CORIN: variants seen among roughly 807,000 people sequenced by gnomAD.
CORIN encodes atrial natriuretic peptide-converting enzyme.
Under a neutral mutation model 125.3 loss-of-function variants are expected in CORIN, and 117 were observed. The ratio of observed to expected loss-of-function variants is 0.93; its 90% CI spans 0.80 to 1.09. CORIN has a LOEUF of 1.09. Among genes scored for constraint, CORIN ranks in the 50% least tolerant of loss-of-function variants. The probability of loss-of-function intolerance (pLI) is 0.00; values close to 1 mark genes in which losing one functional copy is unlikely to be tolerated. For missense variants in CORIN, 1,253 were observed against 1,306.7 expected, an observed-to-expected ratio of 0.96 and a Z score of 0.63; for synonymous variants, 450 against 466.4, an observed-to-expected ratio of 0.96 and a Z score of 0.45.
Position 47,754,531 on chromosome 4 carries a change from A to G in CORIN, c.617+8848T>C, listed in dbSNP as rs147028124. ...ATTTAATTCCTTAATGTTTCCATTT[A>G]TTCCCAAATGAGATACAATTTGGGA... On this transcript the variant is annotated intron_variant, in intron 4 of 21. Coordinates refer to ENST00000273857, the MANE Select transcript of CORIN (RefSeq NM_006587.4). Among the ~76,000 whole-genome samples the G allele has an allele frequency of 2.8e-3, 424 of 152,254 alleles. 4 individuals carry two copies. Among genetic ancestry groups the G allele is most frequent in the African/African-American group, 9.3e-3 (388 of 41,560 alleles).
chr4:47,749,853 C>T (rs1221326281), intron 4 of CORIN, among the ~76,000 whole-genome samples: 1 of 152,156 alleles, frequency 6.6e-6, no homozygotes, highest in Non-Finnish European at 1.5e-5. Context: ...ACAGGCACCT[C>T]CCAGAGCTGC....
chr4:47,653,883 G>A (rs1008452119), intron 12 of CORIN, among the ~76,000 whole-genome samples: 1 of 152,210 alleles, frequency 6.6e-6, no homozygotes, highest in Non-Finnish European at 1.5e-5. Context: ...TAACATCTAT[G>A]TATTCCAATG....
chr4:47,635,229 G>A (rs2109589911), intron 16 of CORIN, among the ~76,000 whole-genome samples: 1 of 152,316 alleles, frequency 6.6e-6, no homozygotes, highest in South Asian at 2.1e-4. Context: ...GACAGAAATG[G>A]AGACAACAGA....
intron 1 of CORIN, among the ~76,000 whole-genome samples, chr4:47,833,147 C>T (rs542378928): frequency 1.8e-4 from 27 of 150,834 alleles, no homozygotes; most frequent in South Asian, 4.2e-4. Context: ...AGGTATCATA[C>T]GTCATGATTT....
intron 14 of CORIN, among the ~76,000 whole-genome samples, chr4:47,644,218 T>C (rs1364344026): frequency 6.6e-6 from 1 of 152,242 alleles, no homozygotes; most frequent in Non-Finnish European, 1.5e-5. Flanking sequence ...CTTGGAGATA[T>C]GAACACAGTT....
chr4:47,645,413 T>C (rs1723423371), intron 13 of CORIN, among the ~76,000 whole-genome samples: 1 of 148,010 alleles, frequency 6.8e-6, no homozygotes, highest in Non-Finnish European at 1.5e-5. Flanking sequence ...ATCACACCAC[T>C]GCACTATAGT....
At chr4:47,778,330 G>A (rs780656411) in intron 3 of CORIN, among the ~76,000 whole-genome samples, 2 of 152,150 alleles carry the variant, frequency 1.3e-5, no homozygotes, top group Non-Finnish European at 2.9e-5. Context: ...TTAGGAGAGA[G>A]GGTCAGGAGT....
chr4:47,833,410 A>G (rs111619914), intron 1 of CORIN, among the ~76,000 whole-genome samples: 71 of 152,246 alleles, frequency 4.7e-4, no homozygotes, highest in African/African-American at 1.4e-3. Context: ...AAATGGATTA[A>G]AGACTTAACC....
chr4:47,645,261 T>C lies in CORIN; in HGVS notation c.1844-67A>G, dbSNP rs1336523187. 5.9e-6 allele frequency: 6 copies of C among 1,021,046 alleles called. No homozygotes were observed. The South Asian group carries it at 6.9e-5, about 12-fold the overall frequency. 63.2% of individuals were successfully genotyped at this position (1,021,046 alleles called of 1,614,324 possible). A position where few individuals can be genotyped will look rare whatever the true frequency, so the allele number is the denominator to read the frequency against. On this transcript the variant is annotated intron_variant, in intron 13 of 21. Transcript: ENST00000273857. ...TGAAAATAATGATAAATTCAATCAATGTAGAAAAATTACGCTATAAAGGCA... is the reference window on the plus strand; with the variant it reads ...TGAAAATAATGATAAATTCAATCAACGTAGAAAAATTACGCTATAAAGGCA...
At chr4:47,637,344 A>C (rs1342136089) in intron 16 of CORIN, among the ~76,000 whole-genome samples, 5 of 152,222 alleles carry the variant, frequency 3.3e-5, no homozygotes, top group Non-Finnish European at 7.3e-5. Context: ...GAGAAATTCA[A>C]GCTGGCTGCA....
In CORIN at chr4:47,656,271, T is replaced by C. The variant is rs187975518; in HGVS notation, c.1736-2611A>G. Among the ~76,000 whole-genome samples the C allele has an allele frequency of 4.4e-3, 663 of 151,354 alleles. 4 individuals carry two copies. The highest frequency in any genetic ancestry group is 0.015 in the African/African-American group (634 of 41,242). ...CCCAGGTTCGAGTGATTCTCATGCC[T>C]CAGCCTTCCAAGTAGCTGGGATTAC... On this transcript the variant is annotated intron_variant, in intron 12 of 21. Transcript: ENST00000273857.
chr4:47,731,097 A>C (rs1278213146), intron 5 of CORIN, among the ~76,000 whole-genome samples: 1 of 152,198 alleles, frequency 6.6e-6, no homozygotes, highest in African/African-American at 2.4e-5. Flanking sequence ...GAAAGAGAAA[A>C]AGAAGAGTCA....
At chr4:47,764,942 C>T (rs1729642579) in intron 3 of CORIN, among the ~76,000 whole-genome samples, 1 of 152,026 alleles carries the variant, frequency 6.6e-6, no homozygotes, top group Non-Finnish European at 1.5e-5. Flanking sequence ...AATTAGAATA[C>T]TAAAAGGCTC....
chr4:47,662,717 T>C (rs1724308214), intron 11 of CORIN, among the ~76,000 whole-genome samples: 1 of 152,194 alleles, frequency 6.6e-6, no homozygotes, highest in African/African-American at 2.4e-5. Flanking sequence ...TCAAATTTTA[T>C]ACACTAATTC....
At chr4:47,650,971 C>A (rs953595651) in intron 13 of CORIN, among the ~76,000 whole-genome samples, 2 of 152,136 alleles carry the variant, frequency 1.3e-5, no homozygotes, top group Non-Finnish European at 2.9e-5. Context: ...GCCTCAACAG[C>A]AAAAATCTAC....
chr4:47,600,311 A>G lies in CORIN; in HGVS notation c.2849T>C (p.Ile950Thr). 6.2e-7 allele frequency: 1 copy of G among 1,613,590 alleles called. No homozygotes were observed. The highest frequency in any genetic ancestry group is 8.5e-7 in the Non-Finnish European group (1 of 1,179,668). Residue 950 changes from isoleucine to threonine, a missense_variant, in exon 21 of 22, where the codon ATT becomes ACT. Transcript: ENST00000273857. ...GTAGGACTGACAATGTTCCAGAGAA[A>G]TAATGCGGACCTCTCCCTCTTGCAG... ...FKLQEGEVRI[I>T]SLEHCQSYFD...
In CORIN at chr4:47,763,365, G is replaced by A; in HGVS notation, c.617+14C>T. The A allele has an allele frequency of 6.2e-7, 1 of 1,602,664 alleles. No homozygotes were observed. Among genetic ancestry groups the A allele is most frequent in the Non-Finnish European group, 8.5e-7 (1 of 1,171,482 alleles). On this transcript the variant is annotated intron_variant, in intron 4 of 21. Coordinates refer to ENST00000273857, the MANE Select transcript of CORIN (RefSeq NM_006587.4). Reference sequence around the variant, plus strand: ...ACCAACTCTTATCACTGAATAATCTGGGTTCCGAAATACCTGTCATCGCCA... The same window carrying A: ...ACCAACTCTTATCACTGAATAATCTAGGTTCCGAAATACCTGTCATCGCCA...
At chr4:47,669,630 A>C (rs912454241) in intron 10 of CORIN, among the ~76,000 whole-genome samples, 1 of 148,784 alleles carries the variant, frequency 6.7e-6, no homozygotes, top group South Asian at 2.1e-4. Context: ...GTGCAGTGGC[A>C]CGATCTGGGC....
At chr4:47,748,092 T>C (rs1329250203) in intron 4 of CORIN, among the ~76,000 whole-genome samples, 1 of 152,188 alleles carries the variant, frequency 6.6e-6, no homozygotes, top group Non-Finnish European at 1.5e-5. Flanking sequence ...CTGAGACCCA[T>C]AAGCTTTAAA....
Sources: gnomAD v4.1 joint callset for allele counts (sites outside exome capture counted in the v4.1 genomes callset) on GRCh38, gnomAD v4.1.1 for gene constraint, MANE v1.5 for transcripts, NCBI Gene and HGNC (gene_info 2026-07-23, HGNC 2026-07-21) for gene names.